Variants in PSD3 observed in about 807,000 individuals in gnomAD.
PSD3 encodes PH and SEC7 domain-containing protein 3.
Under a neutral mutation model 105.5 loss-of-function variants are expected in PSD3, and 49 were observed. The ratio of observed to expected loss-of-function variants is 0.46; its 90% CI spans 0.37 to 0.59. PSD3 has a LOEUF of 0.59. Among genes scored for constraint, PSD3 ranks in the 20% least tolerant of loss-of-function variants. PSD3 has a pLI of 0.00. For missense variants in PSD3, 1,561 were observed against 1,263.8 expected (o/e 1.24, Z -3.57); for synonymous variants, 557 against 457.8 (o/e 1.22, Z -2.77).
intron 1 of PSD3, among the ~76,000 whole-genome samples, chr8:18,990,408 G>A (rs1044026923): frequency 4.6e-5 from 7 of 152,124 alleles, no homozygotes; most frequent in Non-Finnish European, 7.3e-5. Context: ...CTTCATATGC[G>A]ACGCTCTTTT....
At chr8:18,783,490 G>A (rs1303802322) in intron 8 of PSD3, among the ~76,000 whole-genome samples, 1 of 151,750 alleles carries the variant, frequency 6.6e-6, no homozygotes, top group Non-Finnish European at 1.5e-5. Flanking sequence ...TCCCTTCTTT[G>A]GACTGAGTTT....
At chr8:18,823,236 G>A (rs896350541) in intron 4 of PSD3, among the ~76,000 whole-genome samples, 2 of 152,002 alleles carry the variant, frequency 1.3e-5, no homozygotes, top group South Asian at 4.1e-4. Flanking sequence ...ATGCACTTTG[G>A]CACCATTCTT....
intron 1 of PSD3, among the ~76,000 whole-genome samples, chr8:19,028,394 C>T (rs1309723980): frequency 1.4e-5 from 2 of 145,026 alleles, no homozygotes; most frequent in South Asian, 2.2e-4. Flanking sequence ...TCTCTGTTGT[C>T]CAGGCTGGAG....
At chr8:18,572,828 T>C (rs531960604) in intron 13 of PSD3, among the ~76,000 whole-genome samples, 156 bp from the exon 14 acceptor site, 18 of 152,290 alleles carry the variant, frequency 1.2e-4, no homozygotes, top group Middle Eastern at 3.4e-3. Flanking sequence ...GAGATGAACA[T>C]TGTCATTCGA....
At chr8:18,929,549 G>A (rs1313141585) in intron 2 of PSD3, among the ~76,000 whole-genome samples, 2 of 152,122 alleles carry the variant, frequency 1.3e-5, no homozygotes, top group Admixed American at 6.5e-5. Flanking sequence ...ACTTGTGCCA[G>A]TCCATACACC....
chr8:18,785,105 G>T (rs183318736), intron 8 of PSD3, among the ~76,000 whole-genome samples: 1 of 152,104 alleles, frequency 6.6e-6, no homozygotes, highest in African/African-American at 2.4e-5. Context: ...TAGGAACCCT[G>T]TGTCAGAACT....
intron 11 of PSD3, among the ~76,000 whole-genome samples, chr8:18,617,579 G>A (rs188643444): frequency 8.7e-4 from 133 of 152,194 alleles, no homozygotes; most frequent in Admixed American, 1.6e-3. Flanking sequence ...TACATTGTAA[G>A]CCCATAATAA....
chr8:19,075,432 C>G (rs1269000952), intron 1 of PSD3, among the ~76,000 whole-genome samples: 3 of 152,202 alleles, frequency 2.0e-5, no homozygotes, highest in Non-Finnish European at 4.4e-5. Context: ...TTTCAGGTTT[C>G]AGACCAATTC....
intron 1 of PSD3, among the ~76,000 whole-genome samples, chr8:19,040,542 G>A (rs1357308367): frequency 1.3e-5 from 2 of 152,116 alleles, no homozygotes; most frequent in East Asian, 3.9e-4. Flanking sequence ...ATACCTTAGA[G>A]GATTTTAAGC....
At chr8:18,624,441 T>C (rs946509964) in intron 11 of PSD3, among the ~76,000 whole-genome samples, 2 of 149,800 alleles carry the variant, frequency 1.3e-5, no homozygotes, top group Non-Finnish European at 3.0e-5. Flanking sequence ...TTCTACTGAG[T>C]TGTATTTTTT....
rs532738616 is a variant in PSD3 at position 18,977,578 on chromosome 8, A to T, written c.21+35985T>A. The stretch of plus-strand genomic sequence containing the variant: ...TATCTGTATTTAAAAAGATAGAGAG[A>T]TTTGTCTTTTGAAAATACAAAATTG... On this transcript the variant is annotated intron_variant, in intron 1 of 15. Coordinates refer to ENST00000327040, the MANE Select transcript of PSD3 (RefSeq NM_015310.4). Among the ~76,000 whole-genome samples the T allele has an allele frequency of 7.5e-4, 114 of 152,252 alleles. No homozygotes were observed. In the Middle Eastern group the frequency reaches 0.01, roughly 14 times the overall value.
intron 9 of PSD3, among the ~76,000 whole-genome samples, chr8:18,700,294 G>C (rs1457274797): frequency 1.3e-5 from 2 of 152,082 alleles, no homozygotes; most frequent in South Asian, 2.1e-4. Flanking sequence ...TAAAGTCCAA[G>C]AATTTATCAT....
At chr8:18,779,017 G>A in intron 8 of PSD3, among the ~76,000 whole-genome samples, 1 of 152,054 alleles carries the variant, frequency 6.6e-6, no homozygotes, top group African/African-American at 2.4e-5. Context: ...GGAATAGTTT[G>A]AGGAGAACTG....
intron 2 of PSD3, among the ~76,000 whole-genome samples, chr8:18,925,384 T>C (rs1381258944): frequency 6.7e-6 from 1 of 149,068 alleles, no homozygotes; most frequent in Non-Finnish European, 1.5e-5. Context: ...CAACTATCTC[T>C]AAAAGTATAT....
At chr8:18,593,970 G>A (rs1419008584) in intron 12 of PSD3, among the ~76,000 whole-genome samples, 7 of 85,786 alleles carry the variant, frequency 8.2e-5, no homozygotes, top group Non-Finnish European at 1.2e-4. Context: ...ACCGGGGCCT[G>A]TTGTGGGGCG....
intron 9 of PSD3, among the ~76,000 whole-genome samples, chr8:18,690,284 T>G (rs1800900129): frequency 6.6e-6 from 1 of 152,186 alleles, no homozygotes; most frequent in East Asian, 1.9e-4. Context: ...GTACGCAACC[T>G]TTCGTTCTCT....
At chr8:18,984,546 G>A (rs1008378395) in intron 1 of PSD3, among the ~76,000 whole-genome samples, 2 of 152,082 alleles carry the variant, frequency 1.3e-5, no homozygotes, top group Non-Finnish European at 2.9e-5. Context: ...CTCAAAAAAT[G>A]TTATCAAAGA....
intron 1 of PSD3, among the ~76,000 whole-genome samples, chr8:19,053,242 G>C (rs762750289): frequency 9.2e-5 from 14 of 152,202 alleles, no homozygotes; most frequent in Non-Finnish European, 1.6e-4. Flanking sequence ...AAAGGCAGGT[G>C]GTGGGAACAA....
chr8:18,840,815 G>A (rs1216601928), intron 4 of PSD3, among the ~76,000 whole-genome samples: 1 of 152,124 alleles, frequency 6.6e-6, no homozygotes, highest in East Asian at 1.9e-4. Flanking sequence ...GGCACATGAT[G>A]ATAATATTCT....
Sources: gnomAD v4.1 joint callset for allele counts (sites outside exome capture counted in the v4.1 genomes callset) on GRCh38, gnomAD v4.1.1 for gene constraint, MANE v1.5 for transcripts, NCBI Gene and HGNC (gene_info 2026-07-23, HGNC 2026-07-21) for gene names.